Variants in DENND2A observed in about 807,000 individuals in gnomAD.
DENND2A encodes DENN domain containing 2A.
DENND2A carries 53 observed loss-of-function variants against 105.3 expected under a neutral mutation model. The observed-to-expected ratio is 0.50, with a 90% CI of 0.40 to 0.63. DENND2A has a LOEUF of 0.63. DENND2A is among the 30% of genes least tolerant of loss of function. The pLI is 0.00. For synonymous variants in DENND2A, 522 were observed against 508.4 expected, an observed-to-expected ratio of 1.03 and a Z score of -0.36; for missense variants, 1,138 against 1,279.6, an observed-to-expected ratio of 0.89 and a Z score of 1.69.
intron 5 of DENND2A, among the ~76,000 whole-genome samples, chr7:140,575,381 C>CA (rs1395524055): frequency 2.0e-5 from 3 of 152,126 alleles, no homozygotes; most frequent in African/African-American, 7.2e-5. Context: ...TTGGTGGGAG[C>CA]ATCACTTGGC....
intron 1 of DENND2A, among the ~76,000 whole-genome samples, chr7:140,635,770 C>A (rs11767611): frequency 0.078 from 11,943 of 152,196 alleles, 605 homozygotes; most frequent in Non-Finnish European, 0.11. Context: ...CAGGGACAAA[C>A]GTGCCAAAGA....
At chr7:140,608,718 C>T (rs920816603) in intron 1 of DENND2A, among the ~76,000 whole-genome samples, 3 of 151,790 alleles carry the variant, frequency 2.0e-5, no homozygotes, top group East Asian at 3.9e-4. Flanking sequence ...CGAACCCAGC[C>T]GAATTTGCTA....
At chr7:140,577,317 GC>G (rs1275099313) in intron 5 of DENND2A, among the ~76,000 whole-genome samples, 1 of 152,068 alleles carries the variant, frequency 6.6e-6, no homozygotes, top group Non-Finnish European at 1.5e-5. Context: ...AGATGATACA[GC>G]AATGAAGACA....
chr7:140,541,596 C>T (rs137903186), intron 14 of DENND2A, among the ~76,000 whole-genome samples: 4 of 152,302 alleles, frequency 2.6e-5, no homozygotes, highest in South Asian at 4.2e-4. Flanking sequence ...TGATGAAATC[C>T]GATCCTGGCC....
Position 140,574,016 on chromosome 7 carries a change from G to A in DENND2A, c.1246-8C>T. On this transcript the variant is annotated splice_region_variant and splice_polypyrimidine_tract_variant and intron_variant, in intron 5 of 19. Coordinates refer to ENST00000496613, the MANE Select transcript of DENND2A (RefSeq NM_015689.5). ...AGGTTTGGACAATGACTGCTGTGAA[G>A]GAAAAGGAGAAAAGAAGAGTAAATG... 1.2e-6 allele frequency: 2 copies of A among 1,614,094 alleles called. No individual in the cohort carries two copies. Among genetic ancestry groups the A allele is most frequent in the East Asian group, 2.2e-5 (1 of 44,876 alleles).
chr7:140,603,611 C>T (rs1799596457), intron 2 of DENND2A, among the ~76,000 whole-genome samples: 3 of 152,230 alleles, frequency 2.0e-5, no homozygotes, highest in Admixed American at 6.5e-5. Context: ...GCACCCCTAG[C>T]ACCCAAAACA....
At chr7:140,560,204 G>C (rs916375519) in intron 9 of DENND2A, among the ~76,000 whole-genome samples, 1 of 152,056 alleles carries the variant, frequency 6.6e-6, no homozygotes, top group Admixed American at 6.6e-5. Context: ...TGTCCCTTTC[G>C]AACTCCAGGC....
intron 14 of DENND2A, among the ~76,000 whole-genome samples, chr7:140,536,660 T>C (rs569787110): frequency 3.9e-5 from 6 of 152,252 alleles, no homozygotes; most frequent in Middle Eastern, 3.4e-3. Flanking sequence ...ACAATTATAC[T>C]ATTAAAATTG....
intron 5 of DENND2A, among the ~76,000 whole-genome samples, chr7:140,575,606 A>G (rs1336279405): frequency 6.6e-6 from 1 of 152,214 alleles, no homozygotes; most frequent in Non-Finnish European, 1.5e-5. Flanking sequence ...ATATCCATCA[A>G]TAGAGGGGCT....
At chr7:140,615,377 G>A (rs1301623610) in intron 1 of DENND2A, among the ~76,000 whole-genome samples, 1 of 152,078 alleles carries the variant, frequency 6.6e-6, no homozygotes, top group East Asian at 1.9e-4. Context: ...GCAAAACTGC[G>A]GCCTGCACCC....
intron 14 of DENND2A, among the ~76,000 whole-genome samples, chr7:140,534,142 T>G (rs1796373020): frequency 7.4e-6 from 1 of 134,486 alleles, no homozygotes; most frequent in East Asian, 2.3e-4. Flanking sequence ...TGGAGTGCAA[T>G]GGTGCGATCT....
intron 10 of DENND2A, among the ~76,000 whole-genome samples, chr7:140,558,641 A>C (rs1242978491): frequency 6.7e-6 from 1 of 149,876 alleles, no homozygotes; most frequent in East Asian, 2.0e-4. Flanking sequence ...GGTAGCAGTG[A>C]GCCAAGATCA....
At chr7:140,553,936 C>A (rs1409022045) in intron 12 of DENND2A, among the ~76,000 whole-genome samples, 1 of 152,156 alleles carries the variant, frequency 6.6e-6, no homozygotes, top group East Asian at 1.9e-4. Context: ...TCTTTCTTTT[C>A]CCCACAAGGG....
intron 12 of DENND2A, 118 bp from the exon 13 acceptor site, chr7:140,547,057 TC>T: frequency 7.4e-7 from 1 of 1,355,690 alleles, no homozygotes; most frequent in Non-Finnish European, 1.0e-6. Context: ...AGCCCTGCTT[TC>T]CCCATGAGGC....
chr7:140,520,228 C>T (rs896801492), intron 18 of DENND2A, among the ~76,000 whole-genome samples: 7 of 151,994 alleles, frequency 4.6e-5, no homozygotes, highest in African/African-American at 1.4e-4. Context: ...ATCGCTTGAA[C>T]CCGGGAGGCG....
At chr7:140,535,684 C>T (rs180861917) in intron 14 of DENND2A, among the ~76,000 whole-genome samples, 8 of 151,986 alleles carry the variant, frequency 5.3e-5, no homozygotes, top group Admixed American at 3.3e-4. Flanking sequence ...CAGGTTCAAG[C>T]GATTCTCCTA....
chr7:140,585,537 G>T (rs889975810), intron 5 of DENND2A, 52 bp downstream of exon 5: 1 of 1,611,066 alleles, frequency 6.2e-7, no homozygotes, highest in African/African-American at 1.3e-5. Flanking sequence ...GAGTGCTCAA[G>T]GCCACCATGC....
upstream of DENND2A, among the ~76,000 whole-genome samples, chr7:140,641,214 C>T (rs1007136824): frequency 6.6e-6 from 1 of 151,890 alleles, no homozygotes; most frequent in African/African-American, 2.4e-5. Context: ...AGGCACCACC[C>T]TTGCCCCAGG....
At chr7:140,557,702 G>A (rs1797435145) in intron 11 of DENND2A, among the ~76,000 whole-genome samples, 1 of 147,126 alleles carries the variant, frequency 6.8e-6, no homozygotes, top group East Asian at 2.0e-4. Context: ...ACCATGCCCG[G>A]CTAATTTTTG....
Sources: gnomAD v4.1 joint callset for allele counts (sites outside exome capture counted in the v4.1 genomes callset) on GRCh38, gnomAD v4.1.1 for gene constraint, MANE v1.5 for transcripts, NCBI Gene and HGNC (gene_info 2026-07-23, HGNC 2026-07-21) for gene names.